The following GLB1 variants were observed in gnomAD, a reference collection of about 807,000 sequenced individuals.
GLB1 encodes beta-galactosidase.
GLB1 carries 56 observed loss-of-function variants against 74.0 expected under a neutral mutation model. The observed-to-expected ratio is 0.76, with a 90% confidence interval of 0.61 to 0.94. GLB1 has a LOEUF of 0.94. Among genes scored for constraint, GLB1 ranks in the 40% least tolerant of loss-of-function variants. The pLI is 0.00. For missense variants in GLB1, 787 were observed against 845.5 expected (o/e 0.93, Z 0.86); for synonymous variants, 323 against 323.6 (o/e 1.00, Z 0.02).
At chr3:33,018,315 AAAAAAAAAAGAT>A in intron 13 of GLB1, 121 bp downstream of exon 13, 7 of 267,726 alleles carry the variant, frequency 2.6e-5, no homozygotes, top group South Asian at 1.4e-4. Flanking sequence ...AAAAAAAAAA[AAAAAAAAAAGAT>A]GATGGGTAGA....
At chr3:33,008,283 C>T (rs187559230) in intron 15 of GLB1, among the ~76,000 whole-genome samples, 49 of 152,254 alleles carry the variant, frequency 3.2e-4, no homozygotes, top group African/African-American at 1.2e-3. Context: ...CTAGTTACCA[C>T]TTTTTGGCTG....
chr3:33,085,693 TA>T (rs920211706), intron 1 of GLB1, among the ~76,000 whole-genome samples: 30 of 143,286 alleles, frequency 2.1e-4, no homozygotes, highest in Non-Finnish European at 2.5e-4. Context: ...AGGGCTAGAT[TA>T]AAAAAAAAAA....
At chr3:33,013,342 T>C (rs1375954434) in intron 15 of GLB1, among the ~76,000 whole-genome samples, 2 of 152,216 alleles carry the variant, frequency 1.3e-5, no homozygotes, top group African/African-American at 4.8e-5. Context: ...CTTTTTAATA[T>C]GAGTCTGCCT....
intron 1 of GLB1, chr3:33,091,920 G>A (rs897682192): frequency 6.2e-5 from 61 of 985,406 alleles, no homozygotes; most frequent in Middle Eastern, 5.2e-4. Context: ...CAAAAGCACC[G>A]CTTTTACTGG....
intron 15 of GLB1, among the ~76,000 whole-genome samples, chr3:33,003,067 G>A (rs1696643520): frequency 6.6e-6 from 1 of 152,150 alleles, no homozygotes; most frequent in African/African-American, 2.4e-5. Flanking sequence ...AACCCCAAAA[G>A]GCTCTGCAGC....
At chr3:32,967,396 G>A in the GLB1 span, among the ~76,000 whole-genome samples, 3 of 151,862 alleles carry the variant, frequency 2.0e-5, no homozygotes, top group African/African-American at 7.3e-5. Context: ...GTGAAACCTC[G>A]TCTCTACTAA....
At chr3:33,069,812 T>C (rs971414607) in intron 2 of GLB1, among the ~76,000 whole-genome samples, 1 of 152,198 alleles carries the variant, frequency 6.6e-6, no homozygotes, top group African/African-American at 2.4e-5. Flanking sequence ...GTTAAATAAA[T>C]TTTTAAAAAC....
intron 10 of GLB1, among the ~76,000 whole-genome samples, chr3:33,039,467 C>T (rs1344153738): frequency 6.6e-6 from 1 of 152,102 alleles, no homozygotes; most frequent in Non-Finnish European, 1.5e-5. Flanking sequence ...AGCTCTAGAA[C>T]TGACAAATGC....
chr3:32,969,978 T>C, the GLB1 span, among the ~76,000 whole-genome samples: 2 of 152,178 alleles, frequency 1.3e-5, no homozygotes, highest in Admixed American at 6.5e-5. Flanking sequence ...AGGGAGGCTA[T>C]CAGTACATGT....
At chr3:32,981,212 A>G in the GLB1 span, among the ~76,000 whole-genome samples, 1 of 150,732 alleles carries the variant, frequency 6.6e-6, no homozygotes, top group Non-Finnish European at 1.5e-5. Flanking sequence ...ACACCAGCCT[A>G]GCCAACACAG....
At chr3:33,069,956 C>CCCACCCA (rs1699832275) in intron 2 of GLB1, among the ~76,000 whole-genome samples, 10 of 149,034 alleles carry the variant, frequency 6.7e-5, no homozygotes, top group South Asian at 2.2e-4. Flanking sequence ...TCACCCTCCT[C>CCCACCCA]CCACCCTCCA....
At chr3:33,022,640 T>C (rs528607620) in intron 11 of GLB1, among the ~76,000 whole-genome samples, 76 of 137,570 alleles carry the variant, frequency 5.5e-4, no homozygotes, top group African/African-American at 1.8e-3. Flanking sequence ...GGCGTAATCT[T>C]GGCTCACTGT....
At chr3:33,055,949 C>T (rs547687656) in intron 6 of GLB1, among the ~76,000 whole-genome samples, 102 of 151,544 alleles carry the variant, frequency 6.7e-4, no homozygotes, top group Non-Finnish European at 1.3e-3. Context: ...GACTACAGAC[C>T]GGGCGCGGTG....
chr3:33,066,350 AT>A (rs1699681588), intron 4 of GLB1, among the ~76,000 whole-genome samples: 1 of 152,146 alleles, frequency 6.6e-6, no homozygotes, highest in South Asian at 2.1e-4. Context: ...ATGGGTCATC[AT>A]GGGAATGGGA....
chr3:33,075,897 T>C (rs562946285), intron 1 of GLB1, among the ~76,000 whole-genome samples: 53 of 151,690 alleles, frequency 3.5e-4, no homozygotes, highest in Non-Finnish European at 7.1e-4. Context: ...AAAAAAAAAT[T>C]AGCCGGGCGT....
intron 15 of GLB1, among the ~76,000 whole-genome samples, chr3:33,008,392 G>C (rs1575404170): frequency 6.6e-6 from 1 of 152,150 alleles, no homozygotes; most frequent in African/African-American, 2.4e-5. Context: ...GTGGGGAGGA[G>C]ATTCAGAATT....
chr3:33,006,699 G>C (rs1437876528), intron 15 of GLB1, among the ~76,000 whole-genome samples: 2 of 152,162 alleles, frequency 1.3e-5, no homozygotes, highest in Non-Finnish European at 2.9e-5. Flanking sequence ...AGCCACATCC[G>C]ACTCAAGTAA....
chr3:33,023,689 C>T (rs922012012), intron 11 of GLB1, among the ~76,000 whole-genome samples: 1 of 152,110 alleles, frequency 6.6e-6, no homozygotes, highest in Non-Finnish European at 1.5e-5. Context: ...TAAAACCTCT[C>T]TTCTTTTTCG....
At chr3:33,037,595 C>T (rs1391501399) in intron 10 of GLB1, among the ~76,000 whole-genome samples, 1 of 152,168 alleles carries the variant, frequency 6.6e-6, no homozygotes, top group Non-Finnish European at 1.5e-5. Flanking sequence ...GAAAAAACTA[C>T]AGTGCTCATG....
Sources: gnomAD v4.1 joint callset for allele counts (sites outside exome capture counted in the v4.1 genomes callset) on GRCh38, gnomAD v4.1.1 for gene constraint, MANE v1.5 for transcripts, NCBI Gene and HGNC (gene_info 2026-07-23, HGNC 2026-07-21) for gene names.